Variants in TMEM184A observed in about 807,000 individuals in gnomAD.
TMEM184A encodes the protein sexually dimorphic, expressed in male gonads 1.
TMEM184A carries 40 observed loss-of-function variants against 39.5 expected under a neutral mutation model. The ratio of observed to expected loss-of-function variants is 1.01; its 90% confidence interval spans 0.79 to 1.32. The LOEUF (loss-of-function observed/expected upper bound fraction) is 1.32, where lower values mean the gene tolerates loss of function less well. TMEM184A is among the 40% of genes most tolerant of loss of function. The pLI is 0.00. For synonymous variants in TMEM184A, 280 were observed against 252.3 expected (o/e 1.11, Z -1.04); for missense variants, 603 against 568.8 (o/e 1.06, Z -0.61).
chr7:1,549,076 GA>G (rs1190079376), intron 6 of TMEM184A: 1 of 486,318 alleles, frequency 2.1e-6, no homozygotes, highest in Non-Finnish European at 4.1e-6. Flanking sequence ...GTTCCCGTGT[GA>G]GTGTGTGCAC....
Position 1,546,880 on chromosome 7 carries a change from G to C in TMEM184A, c.*72C>G. 9.2e-7 allele frequency: 1 copy of C among 1,090,738 alleles called. No homozygotes were observed. The highest frequency in any genetic ancestry group is 1.3e-6 in the Non-Finnish European group (1 of 786,782). The allele number at this position is 1,090,738 out of a possible 1,614,324, so 67.6% of individuals were successfully genotyped here. A position where few individuals can be genotyped will look rare whatever the true frequency, so the allele number is the denominator to read the frequency against. On this transcript the variant is annotated 3_prime_UTR_variant, in exon 9 of 9. Transcript: ENST00000297477. ...CCCCACCTTTGGCAGGAGTTGGTGG[G>C]TGGGGGGACCCTGTTCTTCCCCAGA... is the stretch of plus-strand genomic sequence containing the variant.
In TMEM184A at chr7:1,548,624, C is replaced by A. The variant is rs563532171; in HGVS notation, c.709G>T (p.Ala237Ser). The change falls in exon 7 of 9, where the codon GCC (alanine) becomes TCC (serine). Residue 237 changes from alanine (A) to serine (S), a missense_variant. Physicochemically the swap from Ala to Ser is moderately conservative, Grantham distance 99. Coordinates refer to ENST00000297477, the MANE Select transcript of TMEM184A (RefSeq NM_001097620.2). ...GTGGTGAAGTAGAAGAGGAACAGGG[C>A]GTAGAGGGCGAGGCTGACGGAGGCG... ...YNASVSLALYALFLFYFTTRE... is the reference protein window; with the variant it reads ...YNASVSLALYSLFLFYFTTRE... 2 of 1,613,854 alleles carry A rather than the reference C, an allele frequency of 1.2e-6. No individual in the cohort carries two copies. The highest frequency in any genetic ancestry group is 1.7e-6 in the Non-Finnish European group (2 of 1,179,968).
chr7:1,548,326 C>T (rs1458247783), intron 7 of TMEM184A, among the ~76,000 whole-genome samples, 193 bp downstream of exon 7: 2 of 152,226 alleles, frequency 1.3e-5, no homozygotes, highest in East Asian at 3.9e-4. Flanking sequence ...GGGACCTCCC[C>T]ACTCCCCCGT....
At position 1,555,826 on chromosome 7, in the gene TMEM184A, T is replaced by A; in HGVS notation, c.-1+288A>T. 3 of 341,294 alleles carry A rather than the reference T, an allele frequency of 8.8e-6. No individual in the cohort carries two copies. Among genetic ancestry groups the A allele is most frequent in the East Asian group, 9.0e-5 (1 of 11,138 alleles). 21.1% of individuals were successfully genotyped at this position (341,294 alleles called of 1,614,324 possible). On this transcript the variant is annotated intron_variant, in intron 1 of 8. Coordinates refer to ENST00000297477, the MANE Select transcript of TMEM184A (RefSeq NM_001097620.2). The surrounding 1 kb of genome is among the most constrained non-coding windows in gnomAD (Gnocchi z 5.2). ...AGTGGGGCAGAAGAGGGGGAACCCCTGCCGCCCTGCCTGCCCGGGAGGGCT... is the reference window on the plus strand; with the variant it reads ...AGTGGGGCAGAAGAGGGGGAACCCCAGCCGCCCTGCCTGCCCGGGAGGGCT...
At chr7:1,547,552 A>G (rs1414561362) in intron 8 of TMEM184A, among the ~76,000 whole-genome samples, 190 bp downstream of exon 8, 2 of 151,898 alleles carry the variant, frequency 1.3e-5, no homozygotes. Context: ...CCCATCCCCC[A>G]TCACCATTGG....
Position 1,547,640 on chromosome 7 carries a change from G to T in TMEM184A, c.1012+102C>A, listed in dbSNP as rs1049470390. On this transcript the variant is annotated intron_variant, in intron 8 of 8. Transcript: ENST00000297477. ...TGCCCTTTGCCCGTCTCCCTGCCCA[G>T]CGAGCTGGCATTCCTGGGCCTCGAG... 11 of 1,284,112 alleles carry T rather than the reference G, an allele frequency of 8.6e-6. No individual in the cohort carries two copies. The African/African-American group carries it at 1.5e-4, about 17-fold the overall frequency. 79.5% of individuals were successfully genotyped at this position (1,284,112 alleles called of 1,614,324 possible). A position where few individuals can be genotyped will look rare whatever the true frequency, so the allele number is the denominator to read the frequency against.
intron 2 of TMEM184A, among the ~76,000 whole-genome samples, chr7:1,552,466 G>A (rs1301729046): frequency 6.6e-6 from 1 of 150,500 alleles, no homozygotes; most frequent in South Asian, 2.1e-4. Flanking sequence ...TTCAAGCATA[G>A]AATACATTGT....
chr7:1,548,042 C>A, intron 7 of TMEM184A, 103 bp from the exon 8 acceptor site: 1 of 1,326,222 alleles, frequency 7.5e-7, no homozygotes, highest in Non-Finnish European at 1.0e-6. Context: ...GCTGTGACCC[C>A]GTCCGTGTAG....
chr7:1,549,994 C>T (rs1167874050), intron 5 of TMEM184A, 49 bp from the exon 6 acceptor site: 23 of 1,606,292 alleles, frequency 1.4e-5, no homozygotes, highest in Non-Finnish European at 2.0e-5. Flanking sequence ...CCCCAGGGGC[C>T]CAGGAATGGG....
rs1023092490 is a variant in TMEM184A at position 1,545,330 on chromosome 7, C to A, written c.*1622G>T. On this transcript the variant is annotated 3_prime_UTR_variant, in exon 9 of 9. Transcript: ENST00000297477. ...CCTGCAGACCCACTGGCCTTGGATC[C>A]CCATGTCCTCAGCCCAGGAAGCAAG... 1 of 152,758 alleles carries A rather than the reference C, an allele frequency of 6.5e-6. No individual in the cohort carries two copies. Among genetic ancestry groups the A allele is most frequent in the African/African-American group, 2.4e-5 (1 of 41,464 alleles). The allele number at this position is 152,758 out of a possible 1,614,324, so 9.5% of individuals were successfully genotyped here.
In TMEM184A at chr7:1,545,586, G is replaced by A; in HGVS notation, c.*1366C>T. 6.5e-6 allele frequency: 1 copy of A among 153,064 alleles called. No homozygotes were observed. Among genetic ancestry groups the A allele is most frequent in the Non-Finnish European group, 1.5e-5 (1 of 68,502 alleles). 9.5% of individuals were successfully genotyped at this position (153,064 alleles called of 1,614,324 possible). A position where few individuals can be genotyped will look rare whatever the true frequency, so the allele number is the denominator to read the frequency against. ...GCCCACTTCTGCTGCCCCTGCCCCA[G>A]CCCCCACCCAACCTGTGCTGCGGGC... On this transcript the variant is annotated 3_prime_UTR_variant, in exon 9 of 9. Transcript: ENST00000297477.
rs1037624738 is a variant in TMEM184A, at chr7:1,545,236, G to A, written c.*1716C>T. 2 of 152,392 alleles carry A rather than the reference G, an allele frequency of 1.3e-5. No individual in the cohort carries two copies. Among genetic ancestry groups the A allele is most frequent in the African/African-American group, 4.8e-5 (2 of 41,450 alleles). The allele number at this position is 152,392 out of a possible 1,614,324, so 9.4% of individuals were successfully genotyped here. On this transcript the variant is annotated 3_prime_UTR_variant, in exon 9 of 9. Coordinates refer to ENST00000297477, the MANE Select transcript of TMEM184A (RefSeq NM_001097620.2). Reference sequence around the variant, plus strand: ...GTCTATTCCTGTGGGGATCCAATAAGACAGGTGGGCGTCTTTGCAGCCGTG... The same window carrying A: ...GTCTATTCCTGTGGGGATCCAATAAAACAGGTGGGCGTCTTTGCAGCCGTG...
chr7:1,549,896 ATGGTGGTG>A lies in TMEM184A; in HGVS notation c.594_601del (p.Thr199HisfsTer222), dbSNP rs756465257. On this transcript the variant is annotated frameshift_variant, in exon 6 of 9. Coordinates refer to ENST00000297477, the MANE Select transcript of TMEM184A (RefSeq NM_001097620.2). LOFTEE classifies it high-confidence loss of function. ...GTATTTGCCAAATGCCTGGAGGATGATGGTGGTGACGGCCATGACGGGCTTCACCAGGC... is the reference window on the plus strand; with the variant it reads ...GTATTTGCCAAATGCCTGGAGGATGAACGGCCATGACGGGCTTCACCAGGC... 6.2e-7 allele frequency: 1 copy of A among 1,612,302 alleles called. No homozygotes were observed. Among genetic ancestry groups the A allele is most frequent in the Non-Finnish European group, 8.5e-7 (1 of 1,179,282 alleles).
intron 2 of TMEM184A, among the ~76,000 whole-genome samples, chr7:1,554,965 A>T (rs1460964459): frequency 6.6e-6 from 1 of 152,108 alleles, no homozygotes; most frequent in Non-Finnish European, 1.5e-5. Flanking sequence ...TCTGAGACTC[A>T]GTCTTCTTGT....
intron 6 of TMEM184A, 191 bp from the exon 7 acceptor site, chr7:1,548,879 TG>T (rs924879069): frequency 4.0e-6 from 3 of 748,348 alleles, no homozygotes; most frequent in African/African-American, 1.7e-5. Flanking sequence ...TGGGGGTGGC[TG>T]GGGGGCCTAT....
At chr7:1,550,030 C>T (rs2128554713) in intron 5 of TMEM184A, 85 bp from the exon 6 acceptor site, 1 of 1,590,324 alleles carries the variant, frequency 6.3e-7, no homozygotes. Flanking sequence ...CAATGAGCAG[C>T]CCCCTGACAC....
intron 6 of TMEM184A, 87 bp downstream of exon 6, chr7:1,549,767 C>T: frequency 3.9e-6 from 5 of 1,272,898 alleles, no homozygotes; most frequent in Non-Finnish European, 3.3e-6. Context: ...AGCTGGACGC[C>T]AAGTCCGCCT....
rs753692067 is a variant in TMEM184A at position 1,555,443 on chromosome 7, G to C, written c.42C>G (p.Pro14=). Residue 14 remains proline, a synonymous_variant, in exon 2 of 9, where the codon CCC becomes CCG. Coordinates refer to ENST00000297477, the MANE Select transcript of TMEM184A (RefSeq NM_001097620.2). The surrounding 1 kb of genome is among the most constrained non-coding windows in gnomAD (Gnocchi z 5.2). Reference sequence around the variant, plus strand: ...GCTGCGGCCAGTTCGCTGACACCAGGGGGACGCCGGCTGTCTCCAGGATCC... The same window carrying C: ...GCTGCGGCCAGTTCGCTGACACCAGCGGGACGCCGGCTGTCTCCAGGATCC... ...VSGILETAGV[P]LVSANWPQPS... The C allele has an allele frequency of 5.0e-6, 8 of 1,610,398 alleles. No individual in the cohort carries two copies. In the Admixed American group the frequency reaches 1.2e-4, roughly 24 times the overall value.
intron 6 of TMEM184A, chr7:1,549,574 C>T (rs769476306): frequency 3.6e-6 from 2 of 560,066 alleles, no homozygotes; most frequent in Non-Finnish European, 7.0e-6. Context: ...AGGGGAGGTC[C>T]AGGCCCCCGG....
Sources: gnomAD v4.1 joint callset for allele counts (sites outside exome capture counted in the v4.1 genomes callset) on GRCh38, gnomAD v4.1.1 for gene constraint, Gnocchi (gnomAD v3.1) non-coding constraint, MANE v1.5 for transcripts, NCBI Gene and HGNC (gene_info 2026-07-23, HGNC 2026-07-21) for gene names.